NCR1: variants seen among roughly 807,000 people sequenced by gnomAD.
NCR1 encodes the protein NK cell-activating receptor.
A neutral mutation model predicts 32.5 loss-of-function variants in NCR1; 30 were observed. The ratio of observed to expected loss-of-function variants is 0.92; its 90% CI spans 0.69 to 1.25. The LOEUF (loss-of-function observed/expected upper bound fraction) is 1.25, where lower values mean the gene tolerates loss of function less well. NCR1 is among the 50% of genes most tolerant of loss of function. The probability of loss-of-function intolerance (pLI) is 0.00; values close to 1 mark genes in which losing one functional copy is unlikely to be tolerated. For synonymous variants in NCR1, 169 were observed against 143.4 expected, an observed-to-expected ratio of 1.18 and a Z score of -1.28; for missense variants, 369 against 380.7, an observed-to-expected ratio of 0.97 and a Z score of 0.26.
chr19:54,903,292 A>G (rs587757985), upstream of NCR1, among the ~76,000 whole-genome samples: 16 of 150,336 alleles, frequency 1.1e-4, no homozygotes, highest in South Asian at 2.9e-3. Flanking sequence ...ATACATATAT[A>G]CACATATACG....
At chr19:54,916,702 A>ATTTT (rs35842513), downstream of NCR1, among the ~76,000 whole-genome samples, 112 of 50,480 alleles carry the variant, frequency 2.2e-3, 11 homozygotes, top group Middle Eastern at 0.023. Context: ...CAACTGTTCT[A>ATTTT]TTTTTTTTTT....
upstream of NCR1, among the ~76,000 whole-genome samples, chr19:54,903,320 G>GTATATATACATGTA (rs2067338461): frequency 1.1e-4 from 14 of 122,996 alleles, no homozygotes; most frequent in Non-Finnish European, 3.3e-5. Flanking sequence ...ATACATACAT[G>GTATATATACATGTA]TATATATACA....
chr19:54,937,593 G>A, the NCR1 span, among the ~76,000 whole-genome samples: 104,910 of 150,572 alleles, frequency 0.7, 37,736 homozygotes, highest in African/African-American at 0.9. Context: ...CTCTGTCTCA[G>A]AAAAAATAAA....
the NCR1 span, chr19:54,933,811 A>G: frequency 7.7e-7 from 1 of 1,290,472 alleles, no homozygotes; most frequent in East Asian, 2.3e-5. Context: ...AGTGATGTCC[A>G]CATGCTAGGG....
At chr19:54,926,706 A>G in the NCR1 span, among the ~76,000 whole-genome samples, 2 of 152,074 alleles carry the variant, frequency 1.3e-5, no homozygotes, top group Non-Finnish European at 2.9e-5. Context: ...ACCTGAGGTC[A>G]GGAGCTCGAG....
the NCR1 span, chr19:54,934,373 A>C: frequency 1.0e-6 from 1 of 1,002,980 alleles, no homozygotes; most frequent in Non-Finnish European, 1.6e-6. The surrounding 1 kb of genome is among the most constrained non-coding windows in gnomAD (Gnocchi z 6.7). Context: ...GGCCTGAAGC[A>C]GGTGTTTATT....
the NCR1 span, chr19:54,927,737 T>G: frequency 6.2e-7 from 1 of 1,614,098 alleles, no homozygotes. Context: ...AGATCCAAGA[T>G]GCTGACAATA....
the NCR1 span, among the ~76,000 whole-genome samples, chr19:54,926,231 C>T: frequency 1.2e-5 from 1 of 86,084 alleles, no homozygotes; most frequent in African/African-American, 3.7e-5. Context: ...TGTGTGTGCT[C>T]ATGCACACAC....
upstream of NCR1, among the ~76,000 whole-genome samples, chr19:54,903,343 CATATATGCATATAT>C (rs2067342228): frequency 9.1e-5 from 10 of 109,896 alleles, 1 homozygote; most frequent in Non-Finnish European, 1.8e-4. Context: ...TATGTATATA[CATATATGCATATAT>C]ACATACATGT....
the NCR1 span, chr19:54,923,993 G>A: frequency 1.8e-6 from 2 of 1,082,422 alleles, no homozygotes; most frequent in African/African-American, 3.1e-5. Context: ...TGGGGGACAG[G>A]GTCTTGCTCT....
At chr19:54,922,140 G>A in the NCR1 span, among the ~76,000 whole-genome samples, 7 of 152,074 alleles carry the variant, frequency 4.6e-5, no homozygotes, top group African/African-American at 1.4e-4. Context: ...TGATCCGCCC[G>A]CCTCGGCCTC....
At chr19:54,937,941 A>G in the NCR1 span, 1 of 860,110 alleles carries the variant, frequency 1.2e-6, no homozygotes, top group Non-Finnish European at 1.9e-6. Flanking sequence ...AAAATCCCCA[A>G]ATACATGGAG....
Position 54,906,629 on chromosome 19 carries a change from G to A in NCR1, c.177G>A (p.Gln59=), listed in dbSNP as rs35676942. 8.1e-3 allele frequency: 13,049 copies of A among 1,614,220 alleles called. 87 individuals carry two copies. Among genetic ancestry groups the A allele is most frequent in the Middle Eastern group, 0.013 (79 of 6,062 alleles). ...GAAATTATGGGGCTGTTGAATACCAGCTGCACTTTGAAGGAAGCCTTTTTG... is the reference window on the plus strand; with the variant it reads ...GAAATTATGGGGCTGTTGAATACCAACTGCACTTTGAAGGAAGCCTTTTTG... ...CQGNYGAVEY[Q]LHFEGSLFAV... Residue 59 remains glutamine (Q), a synonymous_variant, in exon 3 of 7, where the codon CAG becomes CAA. Transcript: ENST00000291890.
At chr19:54,928,064 C>T in the NCR1 span, among the ~76,000 whole-genome samples, 1 of 152,088 alleles carries the variant, frequency 6.6e-6, no homozygotes, top group African/African-American at 2.4e-5. Flanking sequence ...CCCATCTCTA[C>T]AAAAAATTAG....
At chr19:54,913,105 T>C, downstream of NCR1, 1 of 399,508 alleles carries the variant, frequency 2.5e-6, no homozygotes, top group Non-Finnish European at 4.5e-6. Flanking sequence ...CAGGCTGGAG[T>C]GCAATGGCGC....
Position 54,906,806 on chromosome 19 carries a change from A to G in NCR1, c.354A>G (p.Thr118=). Residue 118 remains threonine, a splice_region_variant and synonymous_variant, in exon 3 of 7, where the codon ACA becomes ACG. Coordinates refer to ENST00000291890, the MANE Select transcript of NCR1 (RefSeq NM_004829.7). ...GCAACTTGCTGGATCTGGTGGTAAC[A>G]GGTAACTGTCCGGTTCTCTAACTGG... The part of the protein sequence containing the change: ...EPSNLLDLVV[T]EMYDTPTLSV... The G allele has an allele frequency of 1.9e-6, 3 of 1,613,962 alleles. No homozygotes were observed. The highest frequency in any genetic ancestry group is 2.5e-6 in the Non-Finnish European group (3 of 1,179,934).
intron 3 of NCR1, among the ~76,000 whole-genome samples, chr19:54,908,542 C>G (rs1245877827): frequency 6.6e-6 from 1 of 152,128 alleles, no homozygotes. Context: ...AGAGGGGCTC[C>G]TCACTTCCCA....
At chr19:54,909,607 G>T in intron 4 of NCR1, 84 bp downstream of exon 4, 1 of 1,474,434 alleles carries the variant, frequency 6.8e-7, no homozygotes, top group Non-Finnish European at 9.1e-7. Flanking sequence ...TGATGGGGAG[G>T]GTGTCCAAGG....
chr19:54,918,128 G>A (rs546059723), downstream of NCR1, among the ~76,000 whole-genome samples: 15 of 151,794 alleles, frequency 9.9e-5, no homozygotes, highest in Non-Finnish European at 1.5e-4. Flanking sequence ...GTAGAGACGG[G>A]GTTTCACCAT....
Sources: allele counts gnomAD v4.1 joint callset (sites outside exome capture counted in the v4.1 genomes callset), GRCh38; gene constraint gnomAD v4.1.1; non-coding constraint Gnocchi (gnomAD v3.1); transcripts MANE v1.5; gene names NCBI Gene and HGNC (gene_info 2026-07-23, HGNC 2026-07-21).